The following VEZF1 variants were observed in gnomAD, a reference collection of about 807,000 sequenced individuals.
VEZF1 encodes the protein vascular endothelial zinc finger 1.
In VEZF1, 5 loss-of-function variants were observed where a neutral mutation model predicts 44.1. The observed-to-expected ratio is 0.11, with a 90% CI of 0.06 to 0.24. The LOEUF is 0.24. Ranked by LOEUF, VEZF1 falls within the 10% of genes least tolerant of loss-of-function variation. VEZF1 has a pLI of 1.00. For missense variants in VEZF1, 358 were observed against 641.8 expected (o/e 0.56, Z 4.78); for synonymous variants, 236 against 233.1 (o/e 1.01, Z -0.11).
chr17:57,974,290 A>C lies in VEZF1; in HGVS notation c.*183T>G. On this transcript the variant is annotated 3_prime_UTR_variant, in exon 6 of 6. Coordinates refer to ENST00000581208, the MANE Select transcript of VEZF1 (RefSeq NM_007146.3). ...GATTAAACTAAAGTGGTCCAGTGAT[A>C]AGTTACATACACACCCTACTTTGAA... 1.5e-6 allele frequency: 1 copy of C among 675,380 alleles called. No individual in the cohort carries two copies. The highest frequency in any genetic ancestry group is 2.1e-5 in the South Asian group (1 of 46,598). 41.8% of individuals were successfully genotyped at this position (675,380 alleles called of 1,614,324 possible).
intron 1 of VEZF1, chr17:57,985,429 C>G: frequency 8.2e-7 from 1 of 1,223,660 alleles, no homozygotes; most frequent in Non-Finnish European, 1.0e-6. Context: ...CTACAAGAAG[C>G]CTTCTAAGGG....
chr17:57,983,509 T>C (rs2075269989), intron 1 of VEZF1, 116 bp from the exon 2 acceptor site: 2 of 884,038 alleles, frequency 2.3e-6, no homozygotes, highest in Admixed American at 2.8e-5. Context: ...TAAGCTACTC[T>C]GCAGTGGTAA....
At chr17:57,976,827 G>C (rs1049433904) in intron 5 of VEZF1, among the ~76,000 whole-genome samples, 1 of 152,028 alleles carries the variant, frequency 6.6e-6, no homozygotes, top group African/African-American at 2.4e-5. Context: ...GAGAGAGATT[G>C]AGAGAGAAAA....
chr17:57,985,188 T>TG, intron 1 of VEZF1: 1 of 1,037,814 alleles, frequency 9.6e-7, no homozygotes. Context: ...TTCAGACTTA[T>TG]AGCATTTAGA....
At position 57,983,045 on chromosome 17, in the gene VEZF1, A is replaced by G. The variant is rs1184563735; in HGVS notation, c.382T>C (p.Leu128=). The G allele has an allele frequency of 5.6e-6, 9 of 1,614,074 alleles. No individual in the cohort carries two copies. The highest frequency in any genetic ancestry group is 6.8e-6 in the Non-Finnish European group (8 of 1,180,034). Residue 128 remains leucine (L), a synonymous_variant, in exon 2 of 6, where the codon TTG becomes CTG. Transcript: ENST00000581208. The part of the protein sequence containing the change: ...TIAGDSSRTS[L]VSTIAGILST... ...AAGATGCCTGCAATGGTCGAGACCA[A>G]CGAAGTTCGGCTGCTGTCCCCAGCG...
At position 57,987,175 on chromosome 17, in the gene VEZF1, G is replaced by C. The variant is rs2075302857; in HGVS notation, c.33+904C>G. ...TCTGGGGGCTTTGTAAGCGGACTTTGTTTGCTCTCTCCACTTGGTTGGAGG... is the reference window on the plus strand; with the variant it reads ...TCTGGGGGCTTTGTAAGCGGACTTTCTTTGCTCTCTCCACTTGGTTGGAGG... On this transcript the variant is annotated intron_variant, in intron 1 of 5. Coordinates refer to ENST00000581208, the MANE Select transcript of VEZF1 (RefSeq NM_007146.3). 2.0e-5 allele frequency among the ~76,000 whole-genome samples: 3 copies of C among 152,134 alleles called. No homozygotes were observed. The South Asian group carries it at 6.2e-4, about 32-fold the overall frequency.
rs543617046 is a variant in VEZF1 at position 57,979,707 on chromosome 17, C to T, written c.977-394G>A. Among the ~76,000 whole-genome samples the T allele has an allele frequency of 1.0e-3, 156 of 152,154 alleles. 4 individuals carry two copies. The highest frequency in any genetic ancestry group is 3.4e-3 in the Middle Eastern group (1 of 294). On this transcript the variant is annotated intron_variant, in intron 4 of 5. Coordinates refer to ENST00000581208, the MANE Select transcript of VEZF1 (RefSeq NM_007146.3). ...GGGTGCAGTGGCTCATGCCTGTAAT[C>T]CTAGCACTTTGGGAGGCCGAGGCAG...
At position 57,973,732 on chromosome 17, in the gene VEZF1, GA is replaced by G. The variant is rs1288585786; in HGVS notation, c.*740del. 2 of 151,470 alleles carry G rather than the reference GA, an allele frequency of 1.3e-5. No homozygotes were observed. The highest frequency in any genetic ancestry group is 2.9e-5 in the Non-Finnish European group (2 of 67,904). 9.4% of individuals were successfully genotyped at this position (151,470 alleles called of 1,614,324 possible). A position where few individuals can be genotyped will look rare whatever the true frequency, so the allele number is the denominator to read the frequency against. On this transcript the variant is annotated 3_prime_UTR_variant, in exon 6 of 6. Coordinates refer to ENST00000581208, the MANE Select transcript of VEZF1 (RefSeq NM_007146.3). ...TTTTCTTAGCAAAACACAATTTGTA[GA>G]TTTTTTTTAAATTTTTTTTTTTTTT...
At position 57,982,976 on chromosome 17, in the gene VEZF1, T is replaced by C. The variant is rs560725681; in HGVS notation, c.451A>G (p.Ser151Gly). Residue 151 changes from serine (S) to glycine (G), a missense_variant, in exon 2 of 6, where the codon AGT becomes GGT. Transcript: ENST00000581208. ...TSSSGTNPSSSASTTAMPVTQ... is the reference protein window; with the variant it reads ...TSSSGTNPSSGASTTAMPVTQ... Reference sequence around the variant, plus strand: ...ACTGGCATAGCTGTGGTGCTGGCACTGCTACTGGGGTTGGTGCCCGAGGAA... The same window carrying C: ...ACTGGCATAGCTGTGGTGCTGGCACCGCTACTGGGGTTGGTGCCCGAGGAA... 1 of 1,614,212 alleles carries C rather than the reference T, an allele frequency of 6.2e-7. No individual in the cohort carries two copies. The highest frequency in any genetic ancestry group is 2.2e-5 in the East Asian group (1 of 44,886).
chr17:57,981,846 CTAAGGA>C (rs1335519086), intron 3 of VEZF1, 21 bp downstream of exon 3: 3 of 1,606,550 alleles, frequency 1.9e-6, no homozygotes, highest in African/African-American at 2.7e-5. Context: ...AAGTGCTACA[CTAAGGA>C]TAAGTCATTT....
Position 57,974,520 on chromosome 17 carries a change from T to C in VEZF1, c.1519A>G (p.Ser507Gly), listed in dbSNP as rs1456996036. 1 of 1,614,042 alleles carries C rather than the reference T, an allele frequency of 6.2e-7. No homozygotes were observed. Among genetic ancestry groups the C allele is most frequent in the Non-Finnish European group, 8.5e-7 (1 of 1,179,952 alleles). The change falls in exon 6 of 6, where the codon AGC (serine) becomes GGC (glycine). Residue 507 changes from serine to glycine, a missense_variant. Ser to Gly is a moderately conservative substitution (Grantham distance 56). Around this residue, in one of 4 missense-constraint regions of VEZF1, gnomAD observed 171 missense variants for 272.4 expected, o/e 0.63. Transcript: ENST00000581208. ...PLNIAMRPVE[S>G]MPFLPQALPT... ...AAAGCTTGGGGCAAGAAAGGCATGCTCTCTACAGGTCTCATTGCTATATTG... is the reference window on the plus strand; with the variant it reads ...AAAGCTTGGGGCAAGAAAGGCATGCCCTCTACAGGTCTCATTGCTATATTG...
At position 57,982,560 on chromosome 17, in the gene VEZF1, TTATC is replaced by T. The variant is rs1285387705; in HGVS notation, c.728+135_728+138del. 1.0e-5 allele frequency: 8 copies of T among 801,352 alleles called. No individual in the cohort carries two copies. The South Asian group carries it at 1.3e-4, about 13-fold the overall frequency. 49.6% of individuals were successfully genotyped at this position (801,352 alleles called of 1,614,324 possible). A position where few individuals can be genotyped will look rare whatever the true frequency, so the allele number is the denominator to read the frequency against. On this transcript the variant is annotated intron_variant, in intron 2 of 5. Coordinates refer to ENST00000581208, the MANE Select transcript of VEZF1 (RefSeq NM_007146.3). Reference sequence around the variant, plus strand: ...AGGTTAGACCTGGAGGTGTTAATACTTATCTATCACCAATCTCCTCTAATAACAC... The same window carrying T: ...AGGTTAGACCTGGAGGTGTTAATACTTATCACCAATCTCCTCTAATAACAC...
At chr17:57,977,586 T>C (rs1401557170) in intron 5 of VEZF1, among the ~76,000 whole-genome samples, 2 of 152,186 alleles carry the variant, frequency 1.3e-5, no homozygotes, top group Non-Finnish European at 2.9e-5. Context: ...AGCTCACGCC[T>C]ATAATCCCAG....
chr17:57,978,210 G>GAA (rs889143029), intron 5 of VEZF1, among the ~76,000 whole-genome samples: 5 of 118,328 alleles, frequency 4.2e-5, no homozygotes, highest in African/African-American at 1.5e-4. Context: ...GTCTAAAAAA[G>GAA]AAAAAAAAAA....
At chr17:57,983,646 C>T (rs1408017723) in intron 1 of VEZF1, among the ~76,000 whole-genome samples, 2 of 152,210 alleles carry the variant, frequency 1.3e-5, no homozygotes, top group African/African-American at 4.8e-5. Flanking sequence ...GACTAAACTA[C>T]ACACTATCCT....
chr17:57,974,982 T>C (rs2143317384), intron 5 of VEZF1, 82 bp from the exon 6 acceptor site: 3 of 1,426,674 alleles, frequency 2.1e-6, no homozygotes, highest in South Asian at 1.4e-5. Context: ...TTTCTTTTCA[T>C]TAAAAATGTC....
intron 5 of VEZF1, among the ~76,000 whole-genome samples, chr17:57,976,419 C>T (rs72839919): frequency 6.7e-6 from 1 of 149,644 alleles, no homozygotes; most frequent in South Asian, 2.1e-4. Context: ...AACAAACAAA[C>T]AAAAAAAACC....
intron 1 of VEZF1, chr17:57,985,265 C>A: frequency 8.1e-7 from 1 of 1,231,660 alleles, no homozygotes; most frequent in Non-Finnish European, 1.0e-6. Flanking sequence ...GCCATTTTAC[C>A]AATTCAGATG....
chr17:57,986,844 G>C (rs2075298545), intron 1 of VEZF1, among the ~76,000 whole-genome samples: 1 of 152,286 alleles, frequency 6.6e-6, no homozygotes, highest in East Asian at 1.9e-4. Context: ...CTACGCGTTT[G>C]GGATTTCACG....
Sources: gnomAD v4.1 joint callset for allele counts (sites outside exome capture counted in the v4.1 genomes callset) on GRCh38, gnomAD v4.1.1 for gene constraint, gnomAD v4.1.1 regional missense constraint, MANE v1.5 for transcripts, NCBI Gene and HGNC (gene_info 2026-07-23, HGNC 2026-07-21) for gene names.